MYH7B: variants seen among roughly 807,000 people sequenced by gnomAD.
MYH7B encodes myosin heavy chain 7B.
Under a neutral mutation model 234.5 loss-of-function variants are expected in MYH7B, and 205 were observed. The ratio of observed to expected loss-of-function variants is 0.87; its 90% CI spans 0.78 to 0.98. MYH7B has a LOEUF of 0.98. Ranked by LOEUF, MYH7B falls within the 50% of genes least tolerant of loss-of-function variation. The pLI is 0.00. For missense variants in MYH7B, 2,652 were observed against 2,633.4 expected, an observed-to-expected ratio of 1.01 and a Z score of -0.15; for synonymous variants, 1,193 against 1,105.0, an observed-to-expected ratio of 1.08 and a Z score of -1.58.
exon 27 of MYH7B, chr20:34,994,350 G>A (rs749996697): frequency 6.9e-6 from 11 of 1,605,230 alleles, no homozygotes; most frequent in East Asian, 4.5e-5. Flanking sequence ...TGGAGGAGAC[G>A]CACGTCAGCA....
At chr20:34,983,909 C>T (rs926708862) in intron 10 of MYH7B, among the ~76,000 whole-genome samples, 2 of 152,134 alleles carry the variant, frequency 1.3e-5, no homozygotes, top group African/African-American at 4.8e-5. Context: ...TCCCAGCATC[C>T]GGAGTAGGGA....
At chr20:34,975,917 T>C (rs1327610558) in intron 3 of MYH7B, among the ~76,000 whole-genome samples, 1 of 152,108 alleles carries the variant, frequency 6.6e-6, no homozygotes, top group Non-Finnish European at 1.5e-5. Context: ...GGGGTTTCAC[T>C]GTGTTAGCCA....
At chr20:35,001,265 G>A (rs756659081) in exon 42 of MYH7B, 5 of 1,611,952 alleles carry the variant, frequency 3.1e-6, no homozygotes, top group Admixed American at 1.7e-5. Flanking sequence ...TGGAGGCTGA[G>A]CTTGATGCAG....
chr20:34,979,240 T>G, intron 5 of MYH7B, 150 bp from the exon 6 acceptor site: 1 of 580,036 alleles, frequency 1.7e-6, no homozygotes, highest in Non-Finnish European at 3.0e-6. Context: ...GAGCCTGGGT[T>G]TGGAGGGTTC....
intron 2 of MYH7B, among the ~76,000 whole-genome samples, chr20:34,963,937 A>G (rs1174627882): frequency 1.3e-5 from 2 of 152,164 alleles, no homozygotes; most frequent in Non-Finnish European, 2.9e-5. Flanking sequence ...GAAATAGTTC[A>G]TTCATTTTCA....
At chr20:34,991,209 C>A in intron 24 of MYH7B, 88 bp downstream of exon 24, 2 of 924,430 alleles carry the variant, frequency 2.2e-6, no homozygotes, top group South Asian at 3.3e-5. Flanking sequence ...AACAGACGGT[C>A]CCCTGTCTGG....
chr20:34,992,875 C>A (rs914187526), intron 24 of MYH7B, among the ~76,000 whole-genome samples: 2 of 152,140 alleles, frequency 1.3e-5, no homozygotes, highest in Non-Finnish European at 2.9e-5. Flanking sequence ...CAGCCAACCC[C>A]CCAGGGATTT....
chr20:35,000,996 G>A (rs1399685905), exon 41 of MYH7B: 4 of 1,613,706 alleles, frequency 2.5e-6, no homozygotes, highest in African/African-American at 1.3e-5. Context: ...AGGCGGCCAT[G>A]ATGGCCGAGG....
intron 10 of MYH7B, among the ~76,000 whole-genome samples, chr20:34,982,886 CGTT>C (rs1254458702): frequency 6.6e-6 from 1 of 152,142 alleles, no homozygotes; most frequent in Non-Finnish European, 1.5e-5. Context: ...TTTTACTAAG[CGTT>C]GTTGTCTTGG....
At chr20:34,980,047 G>C (rs910283179) in intron 7 of MYH7B, 10 of 558,660 alleles carry the variant, frequency 1.8e-5, no homozygotes, top group Non-Finnish European at 3.2e-5. Flanking sequence ...GTAGCAGTGC[G>C]GGGCGGGTCT....
At chr20:34,984,699 T>G (rs2081988543) in exon 11 of MYH7B, 1 of 1,603,694 alleles carries the variant, frequency 6.2e-7, no homozygotes, top group Non-Finnish European at 8.5e-7. Flanking sequence ...CAGCAATTTC[T>G]GGCAACAAAG....
intron 5 of MYH7B, among the ~76,000 whole-genome samples, chr20:34,978,841 G>A (rs1185823050): frequency 6.6e-6 from 1 of 152,202 alleles, no homozygotes; most frequent in Admixed American, 6.5e-5. Flanking sequence ...GCACTTGGCA[G>A]AGCAGGGGAC....
At chr20:34,996,401 C>G (rs747592639) in exon 29 of MYH7B, 1 of 1,612,440 alleles carries the variant, frequency 6.2e-7, no homozygotes. Context: ...GCCCGGCTGA[C>G]CAAGGAGAAG....
intron 2 of MYH7B, among the ~76,000 whole-genome samples, chr20:34,971,272 T>C (rs557957699): frequency 8.5e-5 from 13 of 152,266 alleles, no homozygotes; most frequent in African/African-American, 3.1e-4. Flanking sequence ...GGCCCCTTCA[T>C]CCTCCAATGA....
Position 34,979,750 on chromosome 20 carries a change from C to T in MYH7B, c.288C>T (p.Asn96=), listed in dbSNP as rs774706367. Reference sequence around the variant, plus strand: ...ACATGGCCATGATGACGCACCTGAACGAGGCCTCTGTGCTGCACAACCTGC... The same window carrying T: ...ACATGGCCATGATGACGCACCTGAATGAGGCCTCTGTGCTGCACAACCTGC... Residue 96 remains asparagine (N), a synonymous_variant, in exon 7 of 45, where the codon AAC becomes AAT. Coordinates refer to ENST00000262873, the Ensembl canonical transcript of MYH7B. 2.5e-6 allele frequency: 4 copies of T among 1,614,068 alleles called. No homozygotes were observed. The highest frequency in any genetic ancestry group is 2.2e-5 in the East Asian group (1 of 44,890).
chr20:34,997,901 G>A (rs2077265374), intron 32 of MYH7B, among the ~76,000 whole-genome samples: 1 of 152,086 alleles, frequency 6.6e-6, no homozygotes, highest in South Asian at 2.1e-4. Flanking sequence ...AGCAGTAGTT[G>A]TGACCCTAGC....
chr20:34,993,004 T>C (rs1364246262), intron 24 of MYH7B, 98 bp from the exon 25 acceptor site: 1 of 1,457,602 alleles, frequency 6.9e-7, no homozygotes, highest in African/African-American at 1.4e-5. Context: ...AGTCCCCTGC[T>C]ACCCACACGA....
At chr20:34,988,804 C>T (rs1445687898) in intron 19 of MYH7B, among the ~76,000 whole-genome samples, 4 of 115,132 alleles carry the variant, frequency 3.5e-5, no homozygotes, top group Non-Finnish European at 6.5e-5. Context: ...AATCCTTTAT[C>T]CCTTTTTTTT....
At chr20:34,994,319 C>T in exon 27 of MYH7B, 1 of 1,609,902 alleles carries the variant, frequency 6.2e-7, no homozygotes, top group Non-Finnish European at 8.5e-7. Flanking sequence ...CTGGCTGCGG[C>T]CGAGGCCAAG....
Sources: allele counts gnomAD v4.1 joint callset (sites outside exome capture counted in the v4.1 genomes callset), GRCh38; gene constraint gnomAD v4.1.1; transcripts MANE v1.5; gene names NCBI Gene and HGNC (gene_info 2026-07-23, HGNC 2026-07-21).